KIAA1549L: variants seen among roughly 807,000 people sequenced by gnomAD.
KIAA1549L encodes KIAA1549 like, also known as UPF0606 protein KIAA1549L.
KIAA1549L carries 88 observed loss-of-function variants against 160.7 expected under a neutral mutation model. The observed-to-expected ratio is 0.55, with a 90% CI of 0.46 to 0.65. The LOEUF (loss-of-function observed/expected upper bound fraction) is 0.65. KIAA1549L is among the 30% of genes least tolerant of loss of function. KIAA1549L has a pLI of 0.00. For synonymous variants in KIAA1549L, 950 were observed against 976.7 expected, an observed-to-expected ratio of 0.97 and a Z score of 0.51; for missense variants, 2,258 against 2,437.5, an observed-to-expected ratio of 0.93 and a Z score of 1.55.
chr11:33,490,482 C>G (rs1399698609), intron 1 of KIAA1549L, among the ~76,000 whole-genome samples: 1 of 152,064 alleles, frequency 6.6e-6, no homozygotes, highest in East Asian at 1.9e-4. Context: ...TGCCACCATG[C>G]CTAGCTATGT....
intron 6 of KIAA1549L, 35 bp from the exon 7 acceptor site, chr11:33,559,714 C>T (rs1565186280): frequency 1.2e-6 from 2 of 1,602,088 alleles, no homozygotes; most frequent in Admixed American, 3.3e-5. Context: ...CTTATTTGGC[C>T]TGTCTCCCTC....
chr11:33,661,879 CAAAAAAA>C (rs59140753), intron 20 of KIAA1549L, among the ~76,000 whole-genome samples: 35 of 36,326 alleles, frequency 9.6e-4, no homozygotes, highest in East Asian at 4.2e-3. Flanking sequence ...GACTATGTCT[CAAAAAAA>C]AAAAAAAAAA....
chr11:33,612,377 T>C (rs75976316), intron 15 of KIAA1549L, among the ~76,000 whole-genome samples: 5,178 of 152,328 alleles, frequency 0.034, 304 homozygotes, highest in African/African-American at 0.12. Context: ...GAAGGAATCA[T>C]GCTCTAGTCC....
chr11:33,408,489 G>GTATATATATATATA (rs138063173), intron 1 of KIAA1549L, among the ~76,000 whole-genome samples: 35 of 123,060 alleles, frequency 2.8e-4, no homozygotes, highest in Non-Finnish European at 4.0e-4. Context: ...CTGTATATGT[G>GTATATATATATATA]TATATATATA....
intron 1 of KIAA1549L, among the ~76,000 whole-genome samples, chr11:33,492,349 A>G (rs1317824499): frequency 6.6e-6 from 1 of 152,226 alleles, no homozygotes; most frequent in Non-Finnish European, 1.5e-5. Context: ...GCTGGAAAAC[A>G]GAGCAAGACT....
chr11:33,437,027 T>G (rs1454946515), intron 1 of KIAA1549L, among the ~76,000 whole-genome samples: 1 of 152,238 alleles, frequency 6.6e-6, no homozygotes, highest in African/African-American at 2.4e-5. Flanking sequence ...ACCTGAATTA[T>G]TTACTTAAGT....
chr11:33,478,458 T>G (rs1165582037), intron 1 of KIAA1549L, among the ~76,000 whole-genome samples: 4 of 152,224 alleles, frequency 2.6e-5, no homozygotes, highest in South Asian at 4.1e-4. Flanking sequence ...GCAGAGCTGT[T>G]ATAACCACAT....
intron 1 of KIAA1549L, among the ~76,000 whole-genome samples, chr11:33,504,550 C>G (rs774340094): frequency 1.4e-4 from 22 of 152,032 alleles, no homozygotes; most frequent in Non-Finnish European, 3.1e-4. Context: ...TCATTGCAAC[C>G]TCTGCCTCCC....
Position 33,611,296 on chromosome 11 carries a change from C to T in KIAA1549L, c.5279+1330C>T, listed in dbSNP as rs918266940. Reference sequence around the variant, plus strand: ...CACAGAGCCATGACAGACACATTCTCCACAGACTGGGGAGCCATAGGGCAG... The same window carrying T: ...CACAGAGCCATGACAGACACATTCTTCACAGACTGGGGAGCCATAGGGCAG... On this transcript the variant is annotated intron_variant, in intron 15 of 20. Transcript: ENST00000658780. Among the ~76,000 whole-genome samples, 6 of 131,358 alleles carry T rather than the reference C, an allele frequency of 4.6e-5. No homozygotes were observed. The South Asian group carries it at 1.7e-3, about 36-fold the overall frequency. The allele number at this position is 131,358 out of a possible 152,430, so 86.2% of individuals were successfully genotyped here.
At chr11:33,419,676 T>C (rs1054717380) in intron 1 of KIAA1549L, among the ~76,000 whole-genome samples, 3 of 151,938 alleles carry the variant, frequency 2.0e-5, no homozygotes, top group Non-Finnish European at 4.4e-5. Flanking sequence ...TGAAACCCCA[T>C]CTCCACTAAA....
At chr11:33,541,377 A>G (rs1265350632) in intron 1 of KIAA1549L, among the ~76,000 whole-genome samples, 1 of 152,216 alleles carries the variant, frequency 6.6e-6, no homozygotes, top group East Asian at 1.9e-4. Context: ...GAGATGCCTC[A>G]GGGTCCTAAA....
chr11:33,536,448 A>G (rs1033135270), intron 1 of KIAA1549L, among the ~76,000 whole-genome samples: 76 of 152,328 alleles, frequency 5.0e-4, no homozygotes, highest in African/African-American at 1.7e-3. Context: ...TGGAGTGGTC[A>G]GGCATAGCCT....
chr11:33,661,255 TAATC>T (rs1852251464), intron 20 of KIAA1549L, among the ~76,000 whole-genome samples: 1 of 152,224 alleles, frequency 6.6e-6, no homozygotes, highest in Non-Finnish European at 1.5e-5. Context: ...AGGACGACCT[TAATC>T]AAGTACATTT....
At chr11:33,656,459 G>A (rs1197820001) in intron 18 of KIAA1549L, among the ~76,000 whole-genome samples, 1 of 152,150 alleles carries the variant, frequency 6.6e-6, no homozygotes, top group African/African-American at 2.4e-5. Flanking sequence ...GTTATTTAAG[G>A]GTGGTGTCTG....
At chr11:33,411,416 A>G (rs570310293) in intron 1 of KIAA1549L, among the ~76,000 whole-genome samples, 2 of 152,306 alleles carry the variant, frequency 1.3e-5, no homozygotes, top group Admixed American at 6.5e-5. Flanking sequence ...CTGCAGGTCC[A>G]GAACTCCACA....
At chr11:33,599,939 A>G (rs1046474607) in intron 13 of KIAA1549L, among the ~76,000 whole-genome samples, 1 of 152,230 alleles carries the variant, frequency 6.6e-6, no homozygotes, top group Non-Finnish European at 1.5e-5. Context: ...TGCATAGTGC[A>G]GGGACTCTTT....
rs188727367 is a variant in KIAA1549L at position 33,410,680 on chromosome 11, T to C, written c.238+33791T>C. On this transcript the variant is annotated intron_variant, in intron 1 of 20. Transcript: ENST00000658780. The stretch of plus-strand genomic sequence containing the variant: ...TTCTACTGGATTCCCTGTAGACCCA[T>C]GCATGGAACACGGATGGGCATAGTG... 8.5e-5 allele frequency among the ~76,000 whole-genome samples: 13 copies of C among 152,304 alleles called. No homozygotes were observed. The East Asian group carries it at 2.5e-3, about 29-fold the overall frequency.
Position 33,669,078 on chromosome 11 carries a change from T to G in KIAA1549L, c.*924T>G. 6.6e-6 allele frequency: 1 copy of G among 152,226 alleles called. No homozygotes were observed. The highest frequency in any genetic ancestry group is 1.5e-5 in the Non-Finnish European group (1 of 68,042). The allele number at this position is 152,226 out of a possible 1,614,324, so 9.4% of individuals were successfully genotyped here. A position where few individuals can be genotyped will look rare whatever the true frequency, so the allele number is the denominator to read the frequency against. On this transcript the variant is annotated 3_prime_UTR_variant, in exon 21 of 21. Transcript: ENST00000658780. The stretch of plus-strand genomic sequence containing the variant: ...CTGTCTCTTCAACAATGATGTCCAG[T>G]GTGTGCTGCTGAGTGGTACAAAAGG...
intron 11 of KIAA1549L, among the ~76,000 whole-genome samples, chr11:33,584,753 G>A (rs541997677): frequency 6.6e-6 from 1 of 152,290 alleles, no homozygotes; most frequent in Middle Eastern, 3.4e-3. Context: ...CATGCTAGCA[G>A]CAGAGGGGTG....
Sources: gnomAD v4.1 joint callset for allele counts (sites outside exome capture counted in the v4.1 genomes callset) on GRCh38, gnomAD v4.1.1 for gene constraint, MANE v1.5 for transcripts, NCBI Gene and HGNC (gene_info 2026-07-23, HGNC 2026-07-21) for gene names.